DMD: variants seen among roughly 807,000 people sequenced by gnomAD.
DMD encodes dystrophin.
DMD carries 63 observed loss-of-function variants against 330.1 expected under a neutral mutation model. The ratio of observed to expected loss-of-function variants is 0.19; its 90% CI spans 0.16 to 0.24. The LOEUF is 0.24. DMD is among the 10% of genes least tolerant of loss of function. The pLI is 1.00. For missense variants in DMD, 3,344 were observed against 2,684.1 expected, an observed-to-expected ratio of 1.25 and a Z score of -5.43; for synonymous variants, 1,223 against 959.8, an observed-to-expected ratio of 1.27 and a Z score of -5.07.
intron 44 of DMD, among the ~76,000 whole-genome samples, chrX:32,009,268 G>C (rs1451007119): frequency 9.0e-6 from 1 of 111,279 alleles, no homozygotes; most frequent in Non-Finnish European, 1.9e-5. Flanking sequence ...CTATTGCTGG[G>C]GGTCTCTGTA....
At chrX:32,455,193 T>G (rs1009030434) in intron 25 of DMD, among the ~76,000 whole-genome samples, 4 of 111,544 alleles carry the variant, frequency 3.6e-5, no homozygotes, top group African/African-American at 1.3e-4. Context: ...TAGTTATTCT[T>G]TGTGTTCTTT....
chrX:32,340,869 C>T (rs761082968), intron 41 of DMD, among the ~76,000 whole-genome samples: 1 of 111,612 alleles, frequency 9.0e-6, no homozygotes, highest in Admixed American at 9.6e-5. Context: ...ACTTCACATG[C>T]AATACAGTTT....
intron 55 of DMD, among the ~76,000 whole-genome samples, chrX:31,610,439 T>TA (rs1360504907): frequency 8.9e-6 from 1 of 111,745 alleles, no homozygotes; most frequent in East Asian, 2.8e-4. Flanking sequence ...GGGTGGGTAA[T>TA]AACTCTCTGA....
intron 43 of DMD, among the ~76,000 whole-genome samples, chrX:32,251,088 T>C (rs1021359755): frequency 9.1e-6 from 1 of 109,969 alleles, no homozygotes; most frequent in African/African-American, 3.3e-5. Context: ...ATACCTAATG[T>C]AGATGACGGG....
intron 1 of DMD, among the ~76,000 whole-genome samples, chrX:33,209,928 A>G (rs945425380): frequency 1.5e-4 from 17 of 110,301 alleles, no homozygotes; most frequent in African/African-American, 4.3e-4. Context: ...ATATATATAT[A>G]AAATCACTAG....
chrX:33,211,257 A>C (rs2051895298), intron 1 of DMD, 25 bp downstream of exon 1: 1 of 1,202,869 alleles, frequency 8.3e-7, no homozygotes. Context: ...ACAGTAAAAT[A>C]TATTTTTAGT....
intron 2 of DMD, among the ~76,000 whole-genome samples, chrX:32,989,843 C>A (rs1451038548): frequency 1.8e-5 from 2 of 111,179 alleles, no homozygotes; most frequent in African/African-American, 6.5e-5. Flanking sequence ...GGACAACTTG[C>A]AAAACTTTGG....
intron 44 of DMD, among the ~76,000 whole-genome samples, chrX:32,190,585 T>TATATATATATATATATA (rs1569549819): frequency 6.0e-4 from 57 of 94,272 alleles, no homozygotes; most frequent in Non-Finnish European, 7.8e-4. Context: ...TATATATATA[T>TATATATATATATATATA]TTCACCACAA....
In DMD at chrX:31,732,697, T is replaced by C. The variant is rs529134124; in HGVS notation, c.7543-2949A>G. 9.9e-5 allele frequency among the ~76,000 whole-genome samples: 11 copies of C among 110,963 alleles called. No homozygotes were observed. In the South Asian group the frequency reaches 1.5e-3, roughly 15 times the overall value. On this transcript the variant is annotated intron_variant, in intron 51 of 78. Transcript: ENST00000357033. ...TACTTGCCTCCAAAATATCCATCTA[T>C]AAAATTCTGTTCTCTGCCCCCAATC...
In DMD at chrX:32,816,224, C is replaced by A. The variant is rs562043473; in HGVS notation, c.530+244G>T. 2.1e-4 allele frequency among the ~76,000 whole-genome samples: 24 copies of A among 111,780 alleles called. No individual in the cohort carries two copies. The South Asian group carries it at 8.6e-3, about 40-fold the overall frequency. The stretch of plus-strand genomic sequence containing the variant: ...CAAACATATTGATACTCTCCCCCTC[C>A]ACTATAACCACTTTCACGCTCCGCT... On this transcript the variant is annotated intron_variant, in intron 6 of 78. Coordinates refer to ENST00000357033, the MANE Select transcript of DMD (RefSeq NM_004006.3).
intron 9 of DMD, among the ~76,000 whole-genome samples, chrX:32,678,216 T>G (rs2062103192): frequency 8.9e-6 from 1 of 112,326 alleles, no homozygotes; most frequent in Non-Finnish European, 1.9e-5. Context: ...TATTGTACAC[T>G]TAAAATGGTT....
intron 12 of DMD, among the ~76,000 whole-genome samples, chrX:32,597,074 T>C (rs1474022764): frequency 6.3e-5 from 7 of 111,773 alleles, no homozygotes; most frequent in South Asian, 7.5e-4. Context: ...TTTGTCTCTC[T>C]TCCAAAAATG....
At chrX:32,496,992 T>C (rs1231160050) in intron 19 of DMD, among the ~76,000 whole-genome samples, 2 of 112,029 alleles carry the variant, frequency 1.8e-5, no homozygotes, top group Non-Finnish European at 3.8e-5. Flanking sequence ...ATTTGCAATA[T>C]GTCTTGCCAT....
rs190506437 is a variant in DMD at position 32,649,315 on chromosome X, G to A, written c.961-4163C>T. Among the ~76,000 whole-genome samples the A allele has an allele frequency of 7.5e-3, 825 of 109,431 alleles. 7 individuals are homozygous for A. Among genetic ancestry groups the A allele is most frequent in the African/African-American group, 0.027 (802 of 29,945 alleles). ...CAGACCTGTAATCCCAGCACTTTGG[G>A]AGGCTGAGGCAGGCGGATCACGAGG... is the stretch of plus-strand genomic sequence containing the variant. On this transcript the variant is annotated intron_variant, in intron 9 of 78. Coordinates refer to ENST00000357033, the MANE Select transcript of DMD (RefSeq NM_004006.3).
At chrX:32,862,962 C>A (rs991668645) in intron 2 of DMD, among the ~76,000 whole-genome samples, 1 of 110,466 alleles carries the variant, frequency 9.1e-6, no homozygotes, top group African/African-American at 3.3e-5. Flanking sequence ...TGGTCTCGAC[C>A]TCCTGACCTC....
Position 32,554,878 on chromosome X carries a change from GAAGAAAGAAAGAAAGA to G in DMD, c.1993-9560_1993-9545del, listed in dbSNP as rs769646135. Among the ~76,000 whole-genome samples the G allele has an allele frequency of 3.7e-3, 120 of 32,716 alleles. 2 individuals are homozygous for G. The highest frequency in any genetic ancestry group is 5.2e-3 in the African/African-American group (53 of 10,222). The allele number at this position is 32,716 out of a possible 115,157, so 28.4% of individuals were successfully genotyped here. A position where few individuals can be genotyped will look rare whatever the true frequency, so the allele number is the denominator to read the frequency against. Reference sequence around the variant, plus strand: ...AGAGAGAGAGAGAGAGAGAAGGAAAGAAGAAAGAAAGAAAGAAAGAAAGAAAGAAAGAAAGAAAGAA... The same window carrying G: ...AGAGAGAGAGAGAGAGAGAAGGAAAGAAGAAAGAAAGAAAGAAAGAAAGAA... On this transcript the variant is annotated intron_variant, in intron 16 of 78. Transcript: ENST00000357033.
At chrX:32,402,097 T>A (rs2098089139) in intron 30 of DMD, among the ~76,000 whole-genome samples, 1 of 111,693 alleles carries the variant, frequency 9.0e-6, no homozygotes, top group African/African-American at 3.2e-5. Context: ...TGGAATAGAA[T>A]GTAAACAATG....
chrX:33,100,947 A>T (rs2095231835), intron 1 of DMD, among the ~76,000 whole-genome samples: 1 of 111,236 alleles, frequency 9.0e-6, no homozygotes, highest in Non-Finnish European at 1.9e-5. Context: ...TATGGATAGG[A>T]TGGTCCCTGT....
chrX:33,026,727 C>G (rs1020848844), intron 1 of DMD, among the ~76,000 whole-genome samples: 2 of 111,607 alleles, frequency 1.8e-5, no homozygotes, highest in African/African-American at 3.3e-5. Context: ...AACTTCTGCA[C>G]GAAGAACAGA....
Sources: gnomAD v4.1 joint callset for allele counts (sites outside exome capture counted in the v4.1 genomes callset) on GRCh38, gnomAD v4.1.1 for gene constraint, MANE v1.5 for transcripts, NCBI Gene and HGNC (gene_info 2026-07-23, HGNC 2026-07-21) for gene names.